DGKB: variants seen among roughly 807,000 people sequenced by gnomAD.
DGKB encodes 90 kDa diacylglycerol kinase.
Under a neutral mutation model 114.3 loss-of-function variants are expected in DGKB, and 67 were observed. That is an observed-to-expected ratio of 0.59 (90% CI 0.48 to 0.72). The LOEUF is 0.72. Ranked by LOEUF, DGKB falls within the 30% of genes least tolerant of loss-of-function variation. DGKB has a pLI of 0.00. For missense variants in DGKB, 907 were observed against 975.2 expected, an observed-to-expected ratio of 0.93 and a Z score of 0.93; for synonymous variants, 398 against 323.1, an observed-to-expected ratio of 1.23 and a Z score of -2.49.
chr7:14,401,634 T>C (rs534276570), intron 21 of DGKB, among the ~76,000 whole-genome samples: 3 of 151,996 alleles, frequency 2.0e-5, no homozygotes, highest in African/African-American at 7.2e-5. Context: ...TTTACTATGT[T>C]AGGGGTATCA....
intron 20 of DGKB, among the ~76,000 whole-genome samples, chr7:14,570,787 G>T (rs1430266638): frequency 6.6e-6 from 1 of 151,878 alleles, no homozygotes; most frequent in Non-Finnish European, 1.5e-5. Flanking sequence ...GGTGGAGAAG[G>T]TAAAAGGGGA....
rs1844850079 is a variant in DGKB, at chr7:14,820,981, G to C, written c.70+20213C>G. On this transcript the variant is annotated intron_variant, in intron 2 of 25. Coordinates refer to ENST00000402815, the MANE Select transcript of DGKB (RefSeq NM_001350709.2). ...CTTAGGTATATACAGTAAATATACTGAATTGTCTGTCCTCTCTAGGAACAT... is the reference window on the plus strand; with the variant it reads ...CTTAGGTATATACAGTAAATATACTCAATTGTCTGTCCTCTCTAGGAACAT... Among the ~76,000 whole-genome samples, 3 of 152,172 alleles carry C rather than the reference G, an allele frequency of 2.0e-5. No homozygotes were observed. The South Asian group carries it at 6.2e-4, about 32-fold the overall frequency.
At chr7:14,166,658 G>A (rs1784648215) in intron 25 of DGKB, among the ~76,000 whole-genome samples, 2 of 152,194 alleles carry the variant, frequency 1.3e-5, no homozygotes, top group Non-Finnish European at 2.9e-5. Context: ...GCAGATATCT[G>A]AAGTTGCTGA....
chr7:14,313,791 A>C (rs1178247418), intron 23 of DGKB, among the ~76,000 whole-genome samples: 1 of 152,176 alleles, frequency 6.6e-6, no homozygotes. Flanking sequence ...CAGCTCAAGG[A>C]GGCCTGCCTG....
At position 14,389,482 on chromosome 7, in the gene DGKB, G is replaced by A. The variant is rs924532318; in HGVS notation, c.1836-44091C>T. Reference sequence around the variant, plus strand: ...CTGGAAAGGGTGTCTGACACCTGACGGCTCACAGCGAGCCATGGTACCTGT... The same window carrying A: ...CTGGAAAGGGTGTCTGACACCTGACAGCTCACAGCGAGCCATGGTACCTGT... On this transcript the variant is annotated intron_variant, in intron 21 of 25. Transcript: ENST00000402815. 5.9e-5 allele frequency among the ~76,000 whole-genome samples: 9 copies of A among 152,252 alleles called. No homozygotes were observed. In the East Asian group the frequency reaches 9.7e-4, roughly 16 times the overall value.
In DGKB at chr7:14,219,880, G is replaced by A. The variant is rs369205445; in HGVS notation, c.2123-41729C>T. Among the ~76,000 whole-genome samples the A allele has an allele frequency of 1.9e-3, 283 of 151,676 alleles. 1 individual carries two copies. The highest frequency in any genetic ancestry group is 0.01 in the Middle Eastern group (3 of 294). ...TTTATGAAGATTTACCCTTGTTTTCGTCTAAAAGTTTTATAGTTTTAGATC... is the reference window on the plus strand; with the variant it reads ...TTTATGAAGATTTACCCTTGTTTTCATCTAAAAGTTTTATAGTTTTAGATC... On this transcript the variant is annotated intron_variant, in intron 23 of 25. Transcript: ENST00000402815.
intron 20 of DGKB, among the ~76,000 whole-genome samples, chr7:14,569,281 C>T (rs1276796500): frequency 2.6e-5 from 4 of 151,980 alleles, no homozygotes; most frequent in African/African-American, 4.8e-5. Context: ...TAAAGGAGGC[C>T]CAAGTCAAAG....
At chr7:14,759,412 G>T (rs1362480981) in intron 2 of DGKB, among the ~76,000 whole-genome samples, 1 of 152,044 alleles carries the variant, frequency 6.6e-6, no homozygotes, top group Admixed American at 6.6e-5. Context: ...GTCACTCCCT[G>T]TATTTTCTCC....
chr7:14,395,837 T>C (rs1179886449), intron 21 of DGKB, among the ~76,000 whole-genome samples: 1 of 151,988 alleles, frequency 6.6e-6, no homozygotes, highest in Non-Finnish European at 1.5e-5. Flanking sequence ...ATATAACCTA[T>C]TGGATTACTA....
At chr7:14,620,711 G>A (rs867264906) in intron 15 of DGKB, among the ~76,000 whole-genome samples, 16 of 151,672 alleles carry the variant, frequency 1.1e-4, no homozygotes, top group Middle Eastern at 6.9e-3. Context: ...AAAAAATAGA[G>A]GTAAGTAAAT....
intron 17 of DGKB, among the ~76,000 whole-genome samples, chr7:14,590,352 A>G (rs1177557639): frequency 6.6e-6 from 1 of 152,118 alleles, no homozygotes; most frequent in Non-Finnish European, 1.5e-5. Flanking sequence ...TTTGTAAAAC[A>G]CGGCAGTAGC....
At chr7:14,883,973 T>C (rs982147571) in intron 1 of DGKB, among the ~76,000 whole-genome samples, 2 of 151,998 alleles carry the variant, frequency 1.3e-5, no homozygotes, top group African/African-American at 4.8e-5. Flanking sequence ...AACTTTGTAT[T>C]AATGTCATTA....
intron 5 of DGKB, among the ~76,000 whole-genome samples, chr7:14,729,243 C>T (rs900793299): frequency 2.7e-5 from 4 of 150,446 alleles, no homozygotes; most frequent in Admixed American, 1.3e-4. Flanking sequence ...CCGCCTCAGC[C>T]TCCCGAGTAG....
intron 20 of DGKB, among the ~76,000 whole-genome samples, chr7:14,501,232 G>A (rs946988292): frequency 1.3e-5 from 2 of 151,876 alleles, no homozygotes; most frequent in African/African-American, 2.4e-5. Context: ...GGCCTGCCCA[G>A]GAAGGCTTCT....
chr7:14,622,054 A>G (rs1375369684), intron 14 of DGKB, among the ~76,000 whole-genome samples: 1 of 151,378 alleles, frequency 6.6e-6, no homozygotes, highest in Non-Finnish European at 1.5e-5. Flanking sequence ...CTCTCTTTTC[A>G]CTCTCTCTTA....
chr7:14,492,831 T>G (rs1345231728), intron 20 of DGKB, among the ~76,000 whole-genome samples: 1 of 152,076 alleles, frequency 6.6e-6, no homozygotes, highest in African/African-American at 2.4e-5. Context: ...ACATTTAAAG[T>G]ACATGACAAA....
At chr7:14,444,793 T>C (rs993830751) in intron 21 of DGKB, among the ~76,000 whole-genome samples, 2 of 151,866 alleles carry the variant, frequency 1.3e-5, no homozygotes, top group African/African-American at 2.4e-5. Context: ...AAATAATGGT[T>C]ATTATTATGT....
intron 21 of DGKB, among the ~76,000 whole-genome samples, chr7:14,428,847 T>C (rs1827988858): frequency 6.6e-6 from 1 of 152,102 alleles, no homozygotes; most frequent in Admixed American, 6.6e-5. Context: ...ATTCAGATGC[T>C]AGGAAAACAG....
intron 2 of DGKB, among the ~76,000 whole-genome samples, chr7:14,826,947 G>A (rs762417424): frequency 4.0e-4 from 61 of 152,098 alleles, no homozygotes; most frequent in Non-Finnish European, 1.5e-4. Context: ...ATAGCCTAGT[G>A]AGCCATCTTT....
Sources: allele counts gnomAD v4.1 joint callset (sites outside exome capture counted in the v4.1 genomes callset), GRCh38; gene constraint gnomAD v4.1.1; transcripts MANE v1.5; gene names NCBI Gene and HGNC (gene_info 2026-07-23, HGNC 2026-07-21).